Variants in GLMN observed in about 807,000 individuals in gnomAD.
GLMN encodes the protein glomulin.
GLMN carries 75 observed loss-of-function variants against 87.8 expected under a neutral mutation model. The observed-to-expected ratio is 0.85, with a 90% CI of 0.71 to 1.04. The LOEUF (loss-of-function observed/expected upper bound fraction) is 1.04, where lower values mean the gene tolerates loss of function less well. Ranked by LOEUF, GLMN falls within the 50% of genes least tolerant of loss-of-function variation. The pLI, the probability that GLMN is intolerant of heterozygous loss-of-function variation, is 0.00. For missense variants in GLMN, 588 were observed against 658.8 expected (o/e 0.89, Z 1.18); for synonymous variants, 206 against 221.6 (o/e 0.93, Z 0.63).
chr1:92,253,203 A>AAACTT (rs918958963), intron 16 of GLMN, among the ~76,000 whole-genome samples: 14 of 150,868 alleles, frequency 9.3e-5, no homozygotes, highest in Middle Eastern at 3.4e-3. Context: ...ATTGAAAAAA[A>AAACTT]ACTTAAGCTC....
intron 16 of GLMN, among the ~76,000 whole-genome samples, chr1:92,254,113 T>C (rs189222061): frequency 2.6e-5 from 4 of 152,232 alleles, no homozygotes; most frequent in Admixed American, 1.3e-4. Context: ...AAGAACTTCG[T>C]GAAGCATATG....
the GLMN span, among the ~76,000 whole-genome samples, chr1:92,334,389 A>T: frequency 6.6e-6 from 1 of 152,164 alleles, no homozygotes; most frequent in Non-Finnish European, 1.5e-5. Context: ...GAAATAAAAT[A>T]TGTTGTATAT....
chr1:92,294,187 T>C lies in GLMN; in HGVS notation c.166-2650A>G, dbSNP rs1649764706. 4.6e-5 allele frequency among the ~76,000 whole-genome samples: 7 copies of C among 152,172 alleles called. 1 individual carries two copies. Among genetic ancestry groups the C allele is most frequent in the Admixed American group, 3.9e-4 (6 of 15,274 alleles). On this transcript the variant is annotated intron_variant, in intron 3 of 18. Coordinates refer to ENST00000370360, the MANE Select transcript of GLMN (RefSeq NM_053274.3). ...TATGATATTCTTATTACACATTGCA[T>C]GTCTATATCAAAACATCTCATGTAC...
At chr1:92,363,483 T>C in the GLMN span, among the ~76,000 whole-genome samples, 1 of 152,320 alleles carries the variant, frequency 6.6e-6, no homozygotes, top group East Asian at 1.9e-4. Flanking sequence ...GAGAGATTTT[T>C]ACATCATGCC....
chr1:92,300,394 A>C (rs979002432), upstream of GLMN, among the ~76,000 whole-genome samples: 1 of 152,076 alleles, frequency 6.6e-6, no homozygotes, highest in South Asian at 2.1e-4. Context: ...ATTCTCACAT[A>C]GACTGTTACA....
chr1:92,364,324 A>G, the GLMN span, among the ~76,000 whole-genome samples: 1 of 152,162 alleles, frequency 6.6e-6, no homozygotes, highest in Non-Finnish European at 1.5e-5. Context: ...CAAGGATGCA[A>G]GAGGTTTGGA....
intron 9 of GLMN, among the ~76,000 whole-genome samples, chr1:92,268,626 C>T (rs1419156288): frequency 6.6e-6 from 1 of 152,144 alleles, no homozygotes; most frequent in East Asian, 1.9e-4. Context: ...CATAATACAG[C>T]AAATTTACAG....
the GLMN span, among the ~76,000 whole-genome samples, chr1:92,327,734 T>A: frequency 6.6e-6 from 1 of 152,014 alleles, no homozygotes; most frequent in Non-Finnish European, 1.5e-5. Flanking sequence ...TTTCATTGTC[T>A]TATTGTTTTA....
chr1:92,258,874 T>C (rs1184682631), intron 16 of GLMN, among the ~76,000 whole-genome samples: 1 of 152,104 alleles, frequency 6.6e-6, no homozygotes, highest in African/African-American at 2.4e-5. Context: ...GTTCTGCACA[T>C]GTATCCCAGA....
the GLMN span, among the ~76,000 whole-genome samples, chr1:92,357,993 C>T: frequency 6.6e-6 from 1 of 152,190 alleles, no homozygotes; most frequent in South Asian, 2.1e-4. Flanking sequence ...GTGGCGTGAT[C>T]ATAGCCCACT....
the GLMN span, among the ~76,000 whole-genome samples, chr1:92,348,185 G>A: frequency 6.6e-6 from 1 of 152,098 alleles, no homozygotes; most frequent in Non-Finnish European, 1.5e-5. Flanking sequence ...CACTGCATCC[G>A]GCCTAGGGCA....
chr1:92,346,956 T>C, the GLMN span, among the ~76,000 whole-genome samples: 2 of 152,210 alleles, frequency 1.3e-5, no homozygotes, highest in East Asian at 3.9e-4. Flanking sequence ...AAAAGTGTTA[T>C]GAATCAATCT....
chr1:92,303,931 C>A, upstream of GLMN: 1 of 1,356,950 alleles, frequency 7.4e-7, no homozygotes, highest in Non-Finnish European at 1.0e-6. Flanking sequence ...GATAAATGAA[C>A]TTTTCTATTA....
At chr1:92,313,259 G>A in the GLMN span, among the ~76,000 whole-genome samples, 1 of 152,130 alleles carries the variant, frequency 6.6e-6, no homozygotes, top group East Asian at 1.9e-4. Context: ...TCACTCTATG[G>A]CAACTATACC....
At chr1:92,352,601 A>G in the GLMN span, among the ~76,000 whole-genome samples, 1 of 152,246 alleles carries the variant, frequency 6.6e-6, no homozygotes, top group Non-Finnish European at 1.5e-5. Flanking sequence ...GGTATCTGAG[A>G]CCATATTTGA....
chr1:92,280,465 C>T (rs554821473), intron 7 of GLMN, among the ~76,000 whole-genome samples: 1 of 152,248 alleles, frequency 6.6e-6, no homozygotes, highest in East Asian at 1.9e-4. Context: ...CTGTAGGTCA[C>T]CAACATCAAA....
chr1:92,312,199 A>G, the GLMN span, among the ~76,000 whole-genome samples: 2 of 152,160 alleles, frequency 1.3e-5, no homozygotes, highest in South Asian at 4.1e-4. Context: ...TCACTTAAAC[A>G]AGACATTTGA....
At chr1:92,280,635 T>C (rs1334466624) in intron 7 of GLMN, among the ~76,000 whole-genome samples, 1 of 152,104 alleles carries the variant, frequency 6.6e-6, no homozygotes, top group African/African-American at 2.4e-5. Context: ...TTGACAGAAG[T>C]AGGCTTCGGA....
the GLMN span, chr1:92,323,659 A>G: frequency 1.4e-5 from 23 of 1,613,582 alleles, no homozygotes; most frequent in Non-Finnish European, 1.9e-5. Flanking sequence ...CCAAAAAAGC[A>G]TAATGAAAAA....
Sources: gnomAD v4.1 joint callset for allele counts (sites outside exome capture counted in the v4.1 genomes callset) on GRCh38, gnomAD v4.1.1 for gene constraint, MANE v1.5 for transcripts, NCBI Gene and HGNC (gene_info 2026-07-23, HGNC 2026-07-21) for gene names.